NRCAM: variants seen among roughly 807,000 people sequenced by gnomAD.
NRCAM encodes neuronal cell adhesion molecule.
A neutral mutation model predicts 156.5 loss-of-function variants in NRCAM; 83 were observed. The observed-to-expected ratio is 0.53, with a 90% CI of 0.44 to 0.64. NRCAM has a LOEUF of 0.64. NRCAM is among the 30% of genes least tolerant of loss of function. The pLI is 0.00. For synonymous variants in NRCAM, 538 were observed against 563.9 expected (o/e 0.95, Z 0.65); for missense variants, 1,417 against 1,597.3 (o/e 0.89, Z 1.92).
At chr7:108,278,968 T>A (rs2097755952) in intron 3 of NRCAM, among the ~76,000 whole-genome samples, 1 of 152,166 alleles carries the variant, frequency 6.6e-6, no homozygotes, top group African/African-American at 2.4e-5. Flanking sequence ...ATTTTACAGA[T>A]GAAAAAACTG....
At chr7:108,338,528 T>G (rs1384411917) in intron 2 of NRCAM, among the ~76,000 whole-genome samples, 1 of 151,334 alleles carries the variant, frequency 6.6e-6, no homozygotes, top group Admixed American at 6.6e-5. Context: ...GCCCCAAGTT[T>G]GTAAATGGCT....
intron 7 of NRCAM, among the ~76,000 whole-genome samples, chr7:108,231,585 G>A (rs1370266819): frequency 6.6e-6 from 1 of 152,162 alleles, no homozygotes; most frequent in African/African-American, 2.4e-5. Context: ...TACACGATAT[G>A]TCAATAAGTC....
At chr7:108,304,640 G>C (rs1480537621) in intron 3 of NRCAM, among the ~76,000 whole-genome samples, 1 of 151,994 alleles carries the variant, frequency 6.6e-6, no homozygotes, top group Non-Finnish European at 1.5e-5. Flanking sequence ...AATGACTTCA[G>C]AATAAACTGT....
intron 13 of NRCAM, among the ~76,000 whole-genome samples, chr7:108,206,313 G>T (rs2081127592): frequency 6.6e-6 from 1 of 152,156 alleles, no homozygotes; most frequent in African/African-American, 2.4e-5. Context: ...TGTTACTTTG[G>T]GAAAGTCAAT....
rs373740286 is a variant in NRCAM at position 108,198,086 on chromosome 7, G to A, written c.1221C>T (p.Asp407=). 1.9e-6 allele frequency: 3 copies of A among 1,603,142 alleles called. No individual in the cohort carries two copies. The highest frequency in any genetic ancestry group is 4.5e-5 in the East Asian group (2 of 44,398). Reference sequence around the variant, plus strand: ...TATCGCCATCTATTTTTCTGCTGGGGTCATCAGGGGCAACTGTTTGGATGT... The same window carrying A: ...TATCGCCATCTATTTTTCTGCTGGGATCATCAGGGGCAACTGTTTGGATGT... ...NGVPIEIAPD[D]PSRKIDGDTI... Residue 407 remains aspartate, a synonymous_variant, in exon 14 of 33, where the codon GAC becomes GAT. Coordinates refer to ENST00000379028, the MANE Select transcript of NRCAM (RefSeq NM_001037132.4).
intron 23 of NRCAM, 62 bp downstream of exon 23, chr7:108,182,632 GC>G (rs1267388054): frequency 2.8e-6 from 4 of 1,453,028 alleles, no homozygotes; most frequent in East Asian, 2.3e-5. Context: ...AGGAGAAATG[GC>G]CTTGGCTTGC....
At chr7:108,200,850 T>C (rs943638920) in intron 13 of NRCAM, among the ~76,000 whole-genome samples, 2 of 150,824 alleles carry the variant, frequency 1.3e-5, no homozygotes, top group South Asian at 2.1e-4. Context: ...CTAGATGGAA[T>C]TGGAGATCAT....
chr7:108,196,015 A>T, intron 14 of NRCAM, 143 bp from the exon 15 acceptor site: 1 of 637,068 alleles, frequency 1.6e-6, no homozygotes, highest in South Asian at 1.9e-5. Context: ...TCTATCAGGC[A>T]TAATGCTGCC....
At chr7:108,432,625 G>C (rs989944879) in intron 1 of NRCAM, among the ~76,000 whole-genome samples, 5 of 152,232 alleles carry the variant, frequency 3.3e-5, no homozygotes, top group African/African-American at 1.2e-4. Context: ...CTGGAGTCTT[G>C]GGCGAGGTGG....
At chr7:108,309,918 A>G (rs1480736040) in intron 3 of NRCAM, among the ~76,000 whole-genome samples, 1 of 152,184 alleles carries the variant, frequency 6.6e-6, no homozygotes, top group African/African-American at 2.4e-5. Flanking sequence ...GGATTTTGTA[A>G]TAAAATACAG....
At chr7:108,237,794 G>T (rs771855824) in intron 4 of NRCAM, 25 bp from the exon 5 acceptor site, 6 of 1,578,938 alleles carry the variant, frequency 3.8e-6, no homozygotes, top group Non-Finnish European at 5.2e-6. Context: ...ATATCAGCAG[G>T]TAAGTGGGCA....
intron 3 of NRCAM, among the ~76,000 whole-genome samples, chr7:108,293,814 A>G (rs1351843762): frequency 2.0e-5 from 3 of 152,220 alleles, no homozygotes; most frequent in Admixed American, 6.5e-5. Flanking sequence ...CGTAACTTGT[A>G]TAAGATCACA....
At chr7:108,256,494 C>T (rs1296374708) in intron 3 of NRCAM, among the ~76,000 whole-genome samples, 3 of 150,082 alleles carry the variant, frequency 2.0e-5, no homozygotes, top group Non-Finnish European at 3.0e-5. Flanking sequence ...TGCGGAAGGC[C>T]GCAGGGTCCT....
intron 32 of NRCAM, among the ~76,000 whole-genome samples, chr7:108,158,868 T>C (rs2047095499): frequency 6.6e-6 from 1 of 152,294 alleles, no homozygotes; most frequent in Non-Finnish European, 1.5e-5. Context: ...ATAGGTTATA[T>C]TAACATTTTC....
At chr7:108,181,776 T>G in intron 24 of NRCAM, 46 bp downstream of exon 24, 1 of 1,332,492 alleles carries the variant, frequency 7.5e-7, no homozygotes, top group Non-Finnish European at 1.1e-6. Context: ...TGGCATTCGC[T>G]GCAGCCCTTA....
intron 11 of NRCAM, among the ~76,000 whole-genome samples, chr7:108,214,203 T>A (rs912785025): frequency 6.6e-6 from 1 of 152,216 alleles, no homozygotes; most frequent in Non-Finnish European, 1.5e-5. Flanking sequence ...CTGGTAGAAT[T>A]TGGCTGTAAA....
rs142735856 is a variant in NRCAM, at chr7:108,191,975, A to G, written c.1779-122T>C. The G allele has an allele frequency of 3.1e-5, 34 of 1,089,338 alleles. No individual in the cohort carries two copies. The African/African-American group carries it at 4.4e-4, about 14-fold the overall frequency. 67.5% of individuals were successfully genotyped at this position (1,089,338 alleles called of 1,614,324 possible). On this transcript the variant is annotated intron_variant, in intron 17 of 32. Coordinates refer to ENST00000379028, the MANE Select transcript of NRCAM (RefSeq NM_001037132.4). ...GAGAAAGATGGTAAACACTTTCAAA[A>G]GTTAGAGCAAAATACATATCACTTT... is the stretch of plus-strand genomic sequence containing the variant.
At chr7:108,250,685 G>C (rs1441441823) in intron 3 of NRCAM, among the ~76,000 whole-genome samples, 1 of 151,796 alleles carries the variant, frequency 6.6e-6, no homozygotes, top group African/African-American at 2.4e-5. Flanking sequence ...CTAAGACCTA[G>C]TATTTGATAG....
At chr7:108,442,341 T>C (rs1418341890) in intron 1 of NRCAM, among the ~76,000 whole-genome samples, 1 of 152,062 alleles carries the variant, frequency 6.6e-6, no homozygotes, top group Non-Finnish European at 1.5e-5. Context: ...CACATGCATA[T>C]TCGTGATTGG....
Sources: allele counts gnomAD v4.1 joint callset (sites outside exome capture counted in the v4.1 genomes callset), GRCh38; gene constraint gnomAD v4.1.1; transcripts MANE v1.5; gene names NCBI Gene and HGNC (gene_info 2026-07-23, HGNC 2026-07-21).